Variants in CNTNAP5 observed in about 807,000 individuals in gnomAD.
CNTNAP5 encodes contactin-associated protein-like 5.
In CNTNAP5, 72 loss-of-function variants were observed where a neutral mutation model predicts 150.2. The ratio of observed to expected loss-of-function variants is 0.48; its 90% CI spans 0.40 to 0.58. The LOEUF is 0.58. Ranked by LOEUF, CNTNAP5 falls within the 20% of genes least tolerant of loss-of-function variation. The probability of loss-of-function intolerance (pLI) is 0.00; values close to 1 mark genes in which losing one functional copy is unlikely to be tolerated. For synonymous variants in CNTNAP5, 672 were observed against 619.8 expected (o/e 1.08, Z -1.25); for missense variants, 1,636 against 1,626.2 (o/e 1.01, Z -0.10).
At chr2:124,831,177 T>C (rs1045010712) in intron 19 of CNTNAP5, among the ~76,000 whole-genome samples, 1 of 152,034 alleles carries the variant, frequency 6.6e-6, no homozygotes, top group Admixed American at 6.6e-5. Flanking sequence ...TCATACATTC[T>C]CTTTTCACAA....
chr2:124,129,357 G>C (rs1043460514), intron 1 of CNTNAP5, among the ~76,000 whole-genome samples: 2 of 152,166 alleles, frequency 1.3e-5, no homozygotes, highest in African/African-American at 2.4e-5. Context: ...AACTCTATGG[G>C]CTTCGAGGTT....
chr2:124,651,745 G>A lies in CNTNAP5; in HGVS notation c.2077+3787G>A, dbSNP rs370569754. Among the ~76,000 whole-genome samples the A allele has an allele frequency of 1.2e-4, 18 of 152,240 alleles. No individual in the cohort carries two copies. The South Asian group carries it at 3.1e-3, about 26-fold the overall frequency. On this transcript the variant is annotated intron_variant, in intron 13 of 23. Transcript: ENST00000682447. Reference sequence around the variant, plus strand: ...TAGGAAAATGGAAGGAGAGAGAAGCGCACCAAGCACTGTCTCTGTGAAGGC... The same window carrying A: ...TAGGAAAATGGAAGGAGAGAGAAGCACACCAAGCACTGTCTCTGTGAAGGC...
At chr2:124,290,890 A>AT (rs1489499007) in intron 3 of CNTNAP5, among the ~76,000 whole-genome samples, 2 of 64,784 alleles carry the variant, frequency 3.1e-5, no homozygotes, top group Non-Finnish European at 6.3e-5. Context: ...TTATTTATTT[A>AT]TTTATTTATT....
At chr2:124,790,730 C>G (rs1681706853) in intron 18 of CNTNAP5, among the ~76,000 whole-genome samples, 1 of 152,108 alleles carries the variant, frequency 6.6e-6, no homozygotes. Flanking sequence ...ATTTTCTGCT[C>G]CAGGACTTTT....
At chr2:124,076,243 A>G (rs1401960325) in intron 1 of CNTNAP5, among the ~76,000 whole-genome samples, 1 of 152,118 alleles carries the variant, frequency 6.6e-6, no homozygotes, top group Non-Finnish European at 1.5e-5. Flanking sequence ...ATCTCTGTCA[A>G]TTAAGCTTCC....
At chr2:124,727,326 T>C (rs1680178745) in intron 13 of CNTNAP5, among the ~76,000 whole-genome samples, 1 of 152,044 alleles carries the variant, frequency 6.6e-6, no homozygotes, top group Non-Finnish European at 1.5e-5. Flanking sequence ...TGTGGTTCCT[T>C]ATAAATTGTA....
intron 3 of CNTNAP5, among the ~76,000 whole-genome samples, chr2:124,252,060 T>G (rs1229281931): frequency 6.6e-6 from 1 of 152,180 alleles, no homozygotes; most frequent in Admixed American, 6.5e-5. Context: ...AAAGCCATGT[T>G]CCTCTGAGAA....
intron 11 of CNTNAP5, among the ~76,000 whole-genome samples, chr2:124,572,633 T>C (rs970534663): frequency 3.3e-5 from 5 of 152,172 alleles, no homozygotes; most frequent in African/African-American, 9.7e-5. Context: ...CACCCAGTGC[T>C]CTAGCCTAAG....
chr2:124,705,618 A>G (rs1163398673), intron 13 of CNTNAP5, among the ~76,000 whole-genome samples: 1 of 152,174 alleles, frequency 6.6e-6, no homozygotes, highest in Non-Finnish European at 1.5e-5. Flanking sequence ...TGTTGAATTA[A>G]TGGGGGTTGA....
intron 3 of CNTNAP5, among the ~76,000 whole-genome samples, chr2:124,404,637 TC>T (rs1272541759): frequency 6.6e-6 from 1 of 152,224 alleles, no homozygotes; most frequent in East Asian, 1.9e-4. Context: ...GATACTCTTT[TC>T]TTTCACTTCT....
At chr2:124,097,705 G>T (rs897220033) in intron 1 of CNTNAP5, among the ~76,000 whole-genome samples, 1 of 152,150 alleles carries the variant, frequency 6.6e-6, no homozygotes, top group Non-Finnish European at 1.5e-5. Context: ...TTGGGGGACT[G>T]CCCCAACCCG....
chr2:124,396,153 C>G (rs1691238016), intron 3 of CNTNAP5, among the ~76,000 whole-genome samples: 1 of 152,208 alleles, frequency 6.6e-6, no homozygotes, highest in Non-Finnish European at 1.5e-5. Flanking sequence ...AGCTAAGGAA[C>G]TCCATATGCC....
chr2:124,183,327 C>G (rs987469902), intron 1 of CNTNAP5, among the ~76,000 whole-genome samples: 1 of 152,156 alleles, frequency 6.6e-6, no homozygotes, highest in East Asian at 1.9e-4. Flanking sequence ...GGAATGTTCT[C>G]TACTAATTAT....
intron 1 of CNTNAP5, among the ~76,000 whole-genome samples, chr2:124,149,766 T>C (rs559026574): frequency 6.6e-6 from 1 of 152,260 alleles, no homozygotes; most frequent in Non-Finnish European, 1.5e-5. Flanking sequence ...ACTCCTCCCA[T>C]TTTTACAGGG....
chr2:124,103,055 C>T (rs1683098411), intron 1 of CNTNAP5, among the ~76,000 whole-genome samples: 1 of 152,064 alleles, frequency 6.6e-6, no homozygotes, highest in Admixed American at 6.5e-5. Flanking sequence ...CTGGAAAATT[C>T]CTCCTGCCTA....
intron 1 of CNTNAP5, among the ~76,000 whole-genome samples, chr2:124,107,763 G>A (rs1397189398): frequency 6.6e-6 from 1 of 152,214 alleles, no homozygotes; most frequent in Non-Finnish European, 1.5e-5. Context: ...CAAGGTTAAG[G>A]ATGCACATGC....
intron 7 of CNTNAP5, among the ~76,000 whole-genome samples, chr2:124,476,763 G>A (rs1395658772): frequency 6.6e-6 from 1 of 152,040 alleles, no homozygotes; most frequent in Non-Finnish European, 1.5e-5. Flanking sequence ...AGTGGAAATG[G>A]GGCCATAGTC....
At chr2:124,027,941 C>A (rs1680943108) in intron 1 of CNTNAP5, among the ~76,000 whole-genome samples, 1 of 152,066 alleles carries the variant, frequency 6.6e-6, no homozygotes, top group Non-Finnish European at 1.5e-5. Context: ...ATTAAAATTC[C>A]ACAATTCCTT....
In CNTNAP5 at chr2:124,828,558, A is replaced by G. The variant is rs186628739; in HGVS notation, c.3217+30238A>G. 3.2e-4 allele frequency among the ~76,000 whole-genome samples: 48 copies of G among 152,106 alleles called. No homozygotes were observed. The East Asian group carries it at 4.8e-3, about 15-fold the overall frequency. On this transcript the variant is annotated intron_variant, in intron 19 of 23. Coordinates refer to ENST00000682447, the MANE Select transcript of CNTNAP5 (RefSeq NM_001367498.1). ...AGAATAACTAAAACCATGCTTTGCC[A>G]TATCGTAGGTTTTCAAAATATTTGA... is the stretch of plus-strand genomic sequence containing the variant.
Sources: gnomAD v4.1 joint callset for allele counts (sites outside exome capture counted in the v4.1 genomes callset) on GRCh38, gnomAD v4.1.1 for gene constraint, MANE v1.5 for transcripts, NCBI Gene and HGNC (gene_info 2026-07-23, HGNC 2026-07-21) for gene names.